Variants in RALYL observed in about 807,000 individuals in gnomAD.
The protein encoded by RALYL is RNA-binding Raly-like protein.
RALYL carries 29 observed loss-of-function variants against 35.1 expected under a neutral mutation model. That is an observed-to-expected ratio of 0.83 (90% CI 0.61 to 1.13). The LOEUF (loss-of-function observed/expected upper bound fraction) is 1.13, where lower values mean the gene tolerates loss of function less well. Among genes scored for constraint, RALYL ranks in the 50% most tolerant of loss-of-function variants. The probability of loss-of-function intolerance (pLI) is 0.00; values close to 1 mark genes in which losing one functional copy is unlikely to be tolerated. For missense variants in RALYL, 359 were observed against 360.4 expected (o/e 1.00, Z 0.03); for synonymous variants, 120 against 127.6 (o/e 0.94, Z 0.40).
intron 1 of RALYL, among the ~76,000 whole-genome samples, chr8:84,413,241 T>C (rs1205878095): frequency 2.6e-5 from 4 of 151,520 alleles, no homozygotes; most frequent in Non-Finnish European, 1.5e-5. Context: ...TTTAAAGATC[T>C]AGGAACTTTT....
At chr8:84,685,147 G>A (rs1249695454) in intron 2 of RALYL, among the ~76,000 whole-genome samples, 3 of 152,086 alleles carry the variant, frequency 2.0e-5, no homozygotes, top group African/African-American at 7.2e-5. Flanking sequence ...ATTGGAGGCT[G>A]GGGTTTTGAC....
intron 1 of RALYL, among the ~76,000 whole-genome samples, chr8:84,224,680 A>G (rs553934666): frequency 6.6e-6 from 1 of 150,742 alleles, no homozygotes; most frequent in South Asian, 2.1e-4. Flanking sequence ...TTTTTGACAC[A>G]AAGTTGCACT....
chr8:84,641,070 T>G (rs1277480198), intron 2 of RALYL, among the ~76,000 whole-genome samples: 2 of 151,618 alleles, frequency 1.3e-5, no homozygotes, highest in African/African-American at 4.8e-5. Context: ...TAATTTTATT[T>G]TAAGACAAGA....
At chr8:84,635,561 T>C (rs1824880897) in intron 2 of RALYL, among the ~76,000 whole-genome samples, 1 of 151,730 alleles carries the variant, frequency 6.6e-6, no homozygotes. Context: ...AGCTTTTTGA[T>C]AGGTACAGAT....
chr8:84,439,102 T>C (rs1258193287), intron 1 of RALYL, among the ~76,000 whole-genome samples: 1 of 152,142 alleles, frequency 6.6e-6, no homozygotes, highest in Non-Finnish European at 1.5e-5. Flanking sequence ...ATTTTAGATT[T>C]TTTTTTTAAT....
At chr8:84,690,414 A>G (rs1837790455) in intron 2 of RALYL, among the ~76,000 whole-genome samples, 1 of 152,124 alleles carries the variant, frequency 6.6e-6, no homozygotes, top group Admixed American at 6.6e-5. Flanking sequence ...CAAAGAGTAT[A>G]AAGTTGCAGT....
At chr8:84,764,366 A>G (rs1355212246) in intron 2 of RALYL, among the ~76,000 whole-genome samples, 1 of 152,226 alleles carries the variant, frequency 6.6e-6, no homozygotes, top group Non-Finnish European at 1.5e-5. Flanking sequence ...TGATCAATGA[A>G]AATGAATGCT....
intron 2 of RALYL, among the ~76,000 whole-genome samples, chr8:84,627,455 C>A (rs193205311): frequency 6.8e-6 from 1 of 147,410 alleles, no homozygotes; most frequent in African/African-American, 2.5e-5. Flanking sequence ...GAGGTCTTAT[C>A]GAGTGGCTAG....
chr8:84,779,691 A>G (rs1327960662), intron 3 of RALYL, among the ~76,000 whole-genome samples: 1 of 152,210 alleles, frequency 6.6e-6, no homozygotes. Flanking sequence ...GGTCACCATG[A>G]ATGTGGGTTA....
rs186506646 is a variant in RALYL, at chr8:84,717,401, T to C, written c.257-57178T>C. ...GATACTAGCCTTTGATAATACTATTTCTCTTAGATTACTACTGGCAGCAAT... is the reference window on the plus strand; with the variant it reads ...GATACTAGCCTTTGATAATACTATTCCTCTTAGATTACTACTGGCAGCAAT... On this transcript the variant is annotated intron_variant, in intron 2 of 8. Transcript: ENST00000521268. Among the ~76,000 whole-genome samples, 192 of 152,304 alleles carry C rather than the reference T, an allele frequency of 1.3e-3. 1 individual carries two copies. Among genetic ancestry groups the C allele is most frequent in the African/African-American group, 3.6e-3 (150 of 41,564 alleles).
intron 2 of RALYL, among the ~76,000 whole-genome samples, chr8:84,712,078 A>G (rs956188438): frequency 2.6e-5 from 4 of 152,112 alleles, no homozygotes; most frequent in Non-Finnish European, 4.4e-5. Flanking sequence ...ATTAAATTCA[A>G]TCTTTGATTT....
At chr8:84,387,828 A>G (rs550342037) in intron 1 of RALYL, among the ~76,000 whole-genome samples, 2 of 141,674 alleles carry the variant, frequency 1.4e-5, no homozygotes, top group South Asian at 2.2e-4. Flanking sequence ...TGATTGTAAG[A>G]TAGCTACATT....
chr8:84,447,378 T>C (rs1179332809), intron 1 of RALYL, among the ~76,000 whole-genome samples: 3 of 152,048 alleles, frequency 2.0e-5, no homozygotes, highest in African/African-American at 7.2e-5. Context: ...TTTTGGGTGA[T>C]ACCTAAATGC....
chr8:84,351,571 A>T (rs974814740), intron 1 of RALYL, among the ~76,000 whole-genome samples: 7 of 149,424 alleles, frequency 4.7e-5, no homozygotes, highest in Non-Finnish European at 1.0e-4. Flanking sequence ...GATACCCTTC[A>T]ATATGGCCCA....
chr8:84,627,279 T>C (rs1261903957), intron 2 of RALYL, among the ~76,000 whole-genome samples: 1 of 151,352 alleles, frequency 6.6e-6, no homozygotes, highest in African/African-American at 2.4e-5. Flanking sequence ...ATCTCTCTCT[T>C]AGACCATGAT....
In RALYL at chr8:84,679,786, T is replaced by A. The variant is rs1243085619; in HGVS notation, c.257-94793T>A. 4 of 506,588 alleles carry A rather than the reference T, an allele frequency of 7.9e-6. No homozygotes were observed. In the East Asian group the frequency reaches 2.3e-4, roughly 29 times the overall value. The allele number at this position is 506,588 out of a possible 1,614,324, so 31.4% of individuals were successfully genotyped here. ...TTCAGCACTGATGAAGCCAGGGAAA[T>A]TGGATAGAAAGATTGAATTTAGTTT... On this transcript the variant is annotated intron_variant, in intron 2 of 8. Coordinates refer to ENST00000521268, the MANE Select transcript of RALYL (RefSeq NM_173848.7).
chr8:84,297,198 C>A (rs1180492342), intron 1 of RALYL, among the ~76,000 whole-genome samples: 3 of 151,982 alleles, frequency 2.0e-5, no homozygotes, highest in Non-Finnish European at 4.4e-5. Flanking sequence ...TCCTTCCTCT[C>A]CCTCCTCCCA....
chr8:84,469,734 C>G lies in RALYL; in HGVS notation c.-23-59565C>G, dbSNP rs555709486. Among the ~76,000 whole-genome samples, 5 of 152,356 alleles carry G rather than the reference C, an allele frequency of 3.3e-5. No individual in the cohort carries two copies. The East Asian group carries it at 7.7e-4, about 24-fold the overall frequency. On this transcript the variant is annotated intron_variant, in intron 1 of 8. Coordinates refer to ENST00000521268, the MANE Select transcript of RALYL (RefSeq NM_173848.7). ...TGGGCAATGGCAGGCGCCCCTCCCC[C>G]AGCCTAGCTGCCCCCTTGCAGTTTG...
chr8:84,480,274 CT>C (rs2053906350), intron 1 of RALYL, among the ~76,000 whole-genome samples: 1 of 151,982 alleles, frequency 6.6e-6, no homozygotes, highest in African/African-American at 2.4e-5. Flanking sequence ...GCACTTTGTT[CT>C]GAGTAACTCA....
Sources: gnomAD v4.1 joint callset for allele counts (sites outside exome capture counted in the v4.1 genomes callset) on GRCh38, gnomAD v4.1.1 for gene constraint, MANE v1.5 for transcripts, NCBI Gene and HGNC (gene_info 2026-07-23, HGNC 2026-07-21) for gene names.